Variants in DSCAML1 observed in about 807,000 individuals in gnomAD.
The protein encoded by DSCAML1 is DS cell adhesion molecule like 1.
In DSCAML1, 38 loss-of-function variants were observed where a neutral mutation model predicts 200.5. The ratio of observed to expected loss-of-function variants is 0.19; its 90% CI spans 0.15 to 0.25. The LOEUF is 0.25. Among genes scored for constraint, DSCAML1 ranks in the 10% least tolerant of loss-of-function variants. The pLI is 1.00. For missense variants in DSCAML1, 2,223 were observed against 2,858.8 expected (o/e 0.78, Z 5.07); for synonymous variants, 1,215 against 1,165.0 (o/e 1.04, Z -0.87).
chr11:117,486,450 T>G (rs367779753), intron 11 of DSCAML1, among the ~76,000 whole-genome samples: 104 of 150,478 alleles, frequency 6.9e-4, no homozygotes, highest in African/African-American at 1.2e-3. Context: ...GTGGCAGATA[T>G]GAAAGTAGCG....
chr11:117,460,288 C>A (rs775546419), intron 18 of DSCAML1, among the ~76,000 whole-genome samples: 1 of 152,274 alleles, frequency 6.6e-6, no homozygotes, highest in Admixed American at 6.5e-5. Flanking sequence ...GAGCTAGAGC[C>A]CTCTGCTTTT....
chr11:117,613,486 G>A (rs180824752), intron 3 of DSCAML1, among the ~76,000 whole-genome samples: 2 of 152,264 alleles, frequency 1.3e-5, no homozygotes, highest in East Asian at 3.9e-4. Flanking sequence ...TGTGAGAGGA[G>A]ACCCCCTAAC....
Position 117,437,981 on chromosome 11 carries a change from G to T in DSCAML1, c.4346C>A (p.Thr1449Lys). The part of the protein sequence containing the change: ...SFKLDSLKCG[T>K]WYKVKLAAKN... ...GGCTGCCAGCTTCACCTTGTACCACGTGCCACACTTGAGGCTGTCCAGCTT... is the reference window on the plus strand; with the variant it reads ...GGCTGCCAGCTTCACCTTGTACCACTTGCCACACTTGAGGCTGTCCAGCTT... Residue 1449 changes from threonine to lysine, a missense_variant, in exon 25 of 33, where the codon ACG (threonine) becomes AAG (lysine). Transcript: ENST00000651296. This position sits in a 1 kb window ranked among gnomAD's most constrained non-coding sequence, Gnocchi z 5.3. 1 of 1,614,116 alleles carries T rather than the reference G, an allele frequency of 6.2e-7. No individual in the cohort carries two copies. Among genetic ancestry groups the T allele is most frequent in the Non-Finnish European group, 8.5e-7 (1 of 1,180,018 alleles).
intron 3 of DSCAML1, among the ~76,000 whole-genome samples, chr11:117,556,050 T>C (rs1422099889): frequency 2.0e-5 from 3 of 152,178 alleles, no homozygotes; most frequent in African/African-American, 7.2e-5. Flanking sequence ...CTGCCACTTA[T>C]TGATGTCAGT....
chr11:117,563,189 C>T (rs1021878708), intron 3 of DSCAML1, among the ~76,000 whole-genome samples: 3 of 152,094 alleles, frequency 2.0e-5, no homozygotes, highest in Non-Finnish European at 2.9e-5. Flanking sequence ...GGCAGGTTGT[C>T]TTTTATTTAA....
intron 3 of DSCAML1, among the ~76,000 whole-genome samples, chr11:117,705,053 C>T (rs1322566901): frequency 1.3e-5 from 2 of 152,124 alleles, no homozygotes; most frequent in Admixed American, 6.5e-5. Context: ...GGGACGTCTG[C>T]GGGCTGGAGA....
At chr11:117,543,380 G>T (rs536288015) in intron 3 of DSCAML1, among the ~76,000 whole-genome samples, 11 of 152,050 alleles carry the variant, frequency 7.2e-5, no homozygotes, top group African/African-American at 2.4e-4. Context: ...CTGGCATGTT[G>T]TGTATCTGTG....
rs144357599 is a variant in DSCAML1, at chr11:117,664,573, G to A, written c.511+112218C>T. On this transcript the variant is annotated intron_variant, in intron 3 of 32. Transcript: ENST00000651296. ...TTGTATATGAAAAGTACCTAGCGCT[G>A]TATGTGAATTTCACCTCAATTTAAA... Among the ~76,000 whole-genome samples, 35 of 152,266 alleles carry A rather than the reference G, an allele frequency of 2.3e-4. No individual in the cohort carries two copies. The East Asian group carries it at 6.2e-3, about 27-fold the overall frequency.
At chr11:117,545,847 A>G (rs532553161) in intron 3 of DSCAML1, among the ~76,000 whole-genome samples, 1 of 152,328 alleles carries the variant, frequency 6.6e-6, no homozygotes, top group African/African-American at 2.4e-5. Flanking sequence ...CGTGGAGGAA[A>G]CCGAAGCACA....
intron 3 of DSCAML1, among the ~76,000 whole-genome samples, chr11:117,767,285 C>A (rs1346949189): frequency 6.6e-6 from 1 of 151,974 alleles, no homozygotes; most frequent in Non-Finnish European, 1.5e-5. Flanking sequence ...GCCTCAGGCC[C>A]CACATCTGCA....
chr11:117,781,531 CG>C (rs1565282121), intron 1 of DSCAML1, among the ~76,000 whole-genome samples: 1 of 152,114 alleles, frequency 6.6e-6, no homozygotes, highest in Non-Finnish European at 1.5e-5. Context: ...GAATGGAAGA[CG>C]GAAGAGTGCA....
Position 117,433,483 on chromosome 11 carries a change from TA to T in DSCAML1, c.4877-13del. The T allele has an allele frequency of 6.2e-7, 1 of 1,611,890 alleles. No individual in the cohort carries two copies. The highest frequency in any genetic ancestry group is 8.5e-7 in the Non-Finnish European group (1 of 1,179,528). ...CAAACTCTTTGCATCTGCAAAACAG[TA>T]GAGGGAGAGGAGGGCTGGGTGAGAA... On this transcript the variant is annotated splice_polypyrimidine_tract_variant and intron_variant, in intron 27 of 32. Coordinates refer to ENST00000651296, the MANE Select transcript of DSCAML1 (RefSeq NM_020693.4).
At chr11:117,466,786 T>C (rs1174026594) in intron 16 of DSCAML1, among the ~76,000 whole-genome samples, 1 of 152,234 alleles carries the variant, frequency 6.6e-6, no homozygotes, top group Non-Finnish European at 1.5e-5. Context: ...GTGATGGTTG[T>C]ACAACATTGT....
chr11:117,589,419 C>T (rs2051215450), intron 3 of DSCAML1, among the ~76,000 whole-genome samples: 1 of 152,164 alleles, frequency 6.6e-6, no homozygotes, highest in African/African-American at 2.4e-5. Context: ...CTCCCACCTC[C>T]CCCAACTCAA....
intron 3 of DSCAML1, among the ~76,000 whole-genome samples, chr11:117,573,740 C>A (rs1489442095): frequency 6.6e-6 from 1 of 152,226 alleles, no homozygotes; most frequent in Non-Finnish European, 1.5e-5. Flanking sequence ...CCTTACGCTT[C>A]CAGAAGACAG....
At chr11:117,668,843 G>T (rs1324378217) in intron 3 of DSCAML1, 1 of 152,180 alleles carries the variant, frequency 6.6e-6, no homozygotes, top group East Asian at 1.9e-4. Context: ...TTAATAAAAA[G>T]AAATGAACCC....
chr11:117,691,917 C>T (rs1160243791), intron 3 of DSCAML1, among the ~76,000 whole-genome samples: 2 of 152,092 alleles, frequency 1.3e-5, no homozygotes, highest in Admixed American at 1.3e-4. Context: ...AGGGCACTGT[C>T]CTCCACCCAG....
At position 117,458,992 on chromosome 11, in the gene DSCAML1, C is replaced by T. The variant is rs963552642; in HGVS notation, c.3413-83G>A. The T allele has an allele frequency of 1.8e-5, 28 of 1,532,678 alleles. No individual in the cohort carries two copies. The African/African-American group carries it at 2.6e-4, about 14-fold the overall frequency. 94.9% of individuals were successfully genotyped at this position (1,532,678 alleles called of 1,614,324 possible). On this transcript the variant is annotated intron_variant, in intron 18 of 32. Transcript: ENST00000651296. ...CTACCCCTGCTGCCTGGGCTCTGCC[C>T]ACACCTACTGCACAGGCTCAGCCCT...
intron 11 of DSCAML1, among the ~76,000 whole-genome samples, chr11:117,502,915 C>A (rs1040868412): frequency 6.6e-6 from 1 of 152,114 alleles, no homozygotes; most frequent in Non-Finnish European, 1.5e-5. Flanking sequence ...CAAGGTCCCA[C>A]GACAGTAAGT....
Sources: gnomAD v4.1 joint callset for allele counts (sites outside exome capture counted in the v4.1 genomes callset) on GRCh38, gnomAD v4.1.1 for gene constraint, Gnocchi (gnomAD v3.1) non-coding constraint, MANE v1.5 for transcripts, NCBI Gene and HGNC (gene_info 2026-07-23, HGNC 2026-07-21) for gene names.